XKR4: variants seen among roughly 807,000 people sequenced by gnomAD.
XKR4 encodes the protein XK related 4.
A neutral mutation model predicts 53.9 loss-of-function variants in XKR4; 12 were observed. The observed-to-expected ratio is 0.22, with a 90% confidence interval of 0.14 to 0.36. The LOEUF is 0.36. Among genes scored for constraint, XKR4 ranks in the 10% least tolerant of loss-of-function variants. The pLI is 1.00. For missense variants in XKR4, 799 were observed against 859.5 expected (o/e 0.93, Z 0.88); for synonymous variants, 354 against 362.4 (o/e 0.98, Z 0.26).
At chr8:55,449,503 G>A (rs1805395348) in intron 2 of XKR4, 6 of 1,348,028 alleles carry the variant, frequency 4.5e-6, no homozygotes, top group Non-Finnish European at 6.3e-6. Context: ...GGCAAGGTCG[G>A]GAGGCTCAGG....
At chr8:55,368,598 G>A (rs1353546165) in intron 2 of XKR4, among the ~76,000 whole-genome samples, 1 of 151,824 alleles carries the variant, frequency 6.6e-6, no homozygotes, top group Non-Finnish European at 1.5e-5. Context: ...TCCCACAGAC[G>A]CCCCCATCTA....
chr8:55,391,157 C>T (rs1804438236), intron 2 of XKR4, among the ~76,000 whole-genome samples: 1 of 152,188 alleles, frequency 6.6e-6, no homozygotes, highest in African/African-American at 2.4e-5. Flanking sequence ...AGTGAAGAAA[C>T]AGGAGCTCCC....
At chr8:55,317,059 C>T (rs1319962652) in intron 1 of XKR4, among the ~76,000 whole-genome samples, 3 of 152,078 alleles carry the variant, frequency 2.0e-5, no homozygotes, top group African/African-American at 7.2e-5. Context: ...ACCTCTACTA[C>T]CCTCTAAAAT....
At chr8:55,344,450 T>G (rs1218576351) in intron 1 of XKR4, among the ~76,000 whole-genome samples, 1 of 116,324 alleles carries the variant, frequency 8.6e-6, no homozygotes, top group Admixed American at 8.2e-5. Context: ...ACCCTGTCTG[T>G]TTTTTTTTTT....
intron 2 of XKR4, among the ~76,000 whole-genome samples, chr8:55,480,383 G>T (rs973096194): frequency 6.6e-6 from 1 of 152,154 alleles, no homozygotes; most frequent in African/African-American, 2.4e-5. Flanking sequence ...AATTAATTAG[G>T]TATTGTTGGG....
At chr8:55,320,819 G>A (rs1405850000) in intron 1 of XKR4, among the ~76,000 whole-genome samples, 1 of 152,056 alleles carries the variant, frequency 6.6e-6, no homozygotes, top group Non-Finnish European at 1.5e-5. Context: ...CTTTGTGTTA[G>A]AAACATCAGA....
chr8:55,243,369 C>G (rs940478930), intron 1 of XKR4, among the ~76,000 whole-genome samples: 35 of 152,332 alleles, frequency 2.3e-4, no homozygotes, highest in South Asian at 2.1e-4. Flanking sequence ...AACCACTGAT[C>G]TCTTTATAGT....
chr8:55,457,400 C>A (rs1197575318), intron 2 of XKR4, among the ~76,000 whole-genome samples: 3 of 152,138 alleles, frequency 2.0e-5, no homozygotes, highest in Admixed American at 6.5e-5. Context: ...CTTTGGCCTC[C>A]CAAAGTGCTG....
intron 2 of XKR4, among the ~76,000 whole-genome samples, chr8:55,402,585 T>G (rs1182028505): frequency 1.3e-5 from 2 of 152,248 alleles, no homozygotes; most frequent in Non-Finnish European, 2.9e-5. Context: ...CATCCATTTC[T>G]GCAGCTTGTA....
chr8:55,335,207 G>A (rs545903464), intron 1 of XKR4, among the ~76,000 whole-genome samples: 21 of 152,224 alleles, frequency 1.4e-4, no homozygotes, highest in African/African-American at 4.8e-4. Flanking sequence ...CTATATTAAG[G>A]AAACCCAAGA....
rs1807067018 is a variant in XKR4, at chr8:55,538,899, T to C, written c.*14672T>C. The C allele has an allele frequency of 6.6e-6, 1 of 152,224 alleles. No individual in the cohort carries two copies. The highest frequency in any genetic ancestry group is 1.5e-5 in the Non-Finnish European group (1 of 68,044). The allele number at this position is 152,224 out of a possible 1,614,324, so 9.4% of individuals were successfully genotyped here. A position where few individuals can be genotyped will look rare whatever the true frequency, so the allele number is the denominator to read the frequency against. On this transcript the variant is annotated 3_prime_UTR_variant, in exon 3 of 3. Coordinates refer to ENST00000327381, the MANE Select transcript of XKR4 (RefSeq NM_052898.2). ...AAGAACGTAAAGCCTTATTTCCACCTGTAACTCCTGAATTGATTCATTTTC... is the reference window on the plus strand; with the variant it reads ...AAGAACGTAAAGCCTTATTTCCACCCGTAACTCCTGAATTGATTCATTTTC...
chr8:55,182,193 AC>A (rs1386591324), intron 1 of XKR4, among the ~76,000 whole-genome samples: 1 of 151,992 alleles, frequency 6.6e-6, no homozygotes, highest in African/African-American at 2.4e-5. Flanking sequence ...TATAAATGTT[AC>A]CTTCCAGCCT....
At chr8:55,242,882 TAAG>T (rs1433676092) in intron 1 of XKR4, among the ~76,000 whole-genome samples, 1 of 152,096 alleles carries the variant, frequency 6.6e-6, no homozygotes, top group South Asian at 2.1e-4. Context: ...AGTCCAAAAA[TAAG>T]AAGTGGATCA....
At chr8:55,277,486 A>G (rs1818780425) in intron 1 of XKR4, among the ~76,000 whole-genome samples, 1 of 152,188 alleles carries the variant, frequency 6.6e-6, no homozygotes, top group African/African-American at 2.4e-5. Flanking sequence ...ATGGGACTCA[A>G]GTCTAAGCAT....
At chr8:55,521,634 G>A (rs1277426074) in intron 2 of XKR4, among the ~76,000 whole-genome samples, 8 of 152,126 alleles carry the variant, frequency 5.3e-5, no homozygotes, top group Non-Finnish European at 1.0e-4. Flanking sequence ...TTTATTGGGA[G>A]GAAATATGAG....
At position 55,152,107 on chromosome 8, in the gene XKR4, C is replaced by A. The variant is rs570702934; in HGVS notation, c.806+48813C>A. ...CCACTTAAATGAGAATAATTTCTAC[C>A]CTTCCAATAGAAGAAAAGTAGTTTT... On this transcript the variant is annotated intron_variant, in intron 1 of 2. Coordinates refer to ENST00000327381, the MANE Select transcript of XKR4 (RefSeq NM_052898.2). Among the ~76,000 whole-genome samples the A allele has an allele frequency of 1.1e-4, 16 of 152,134 alleles. No individual in the cohort carries two copies. In the East Asian group the frequency reaches 3.1e-3, roughly 29 times the overall value.
At chr8:55,198,698 T>G (rs890831309) in intron 1 of XKR4, among the ~76,000 whole-genome samples, 1 of 152,142 alleles carries the variant, frequency 6.6e-6, no homozygotes, top group Non-Finnish European at 1.5e-5. Context: ...TACTAGTATC[T>G]GCCAGAAATT....
intron 2 of XKR4, among the ~76,000 whole-genome samples, chr8:55,369,611 A>G (rs1245340108): frequency 1.3e-5 from 2 of 152,004 alleles, no homozygotes; most frequent in Non-Finnish European, 2.9e-5. Flanking sequence ...TCTTGCCCCT[A>G]AGAAATAATT....
At chr8:55,462,981 C>T (rs191876318) in intron 2 of XKR4, among the ~76,000 whole-genome samples, 1 of 152,246 alleles carries the variant, frequency 6.6e-6, no homozygotes, top group East Asian at 1.9e-4. Flanking sequence ...AAAGCAAGTC[C>T]TTAGTGACCT....
Sources: allele counts gnomAD v4.1 joint callset (sites outside exome capture counted in the v4.1 genomes callset), GRCh38; gene constraint gnomAD v4.1.1; transcripts MANE v1.5; gene names NCBI Gene and HGNC (gene_info 2026-07-23, HGNC 2026-07-21).